The following FRMD7 variants were observed in gnomAD, a reference collection of about 807,000 sequenced individuals.
FRMD7 encodes the protein FERM domain containing 7, also known as FERM domain-containing protein 7.
A neutral mutation model predicts 44.1 loss-of-function variants in FRMD7; 14 were observed. That is an observed-to-expected ratio of 0.32 (90% CI 0.21 to 0.50). FRMD7 has a LOEUF of 0.50. Ranked by LOEUF, FRMD7 falls within the 20% of genes least tolerant of loss-of-function variation. The probability of loss-of-function intolerance (pLI) is 0.99; values close to 1 mark genes in which losing one functional copy is unlikely to be tolerated. For synonymous variants in FRMD7, 212 were observed against 187.4 expected (o/e 1.13, Z -1.07); for missense variants, 501 against 522.3 (o/e 0.96, Z 0.40).
intron 8 of FRMD7, among the ~76,000 whole-genome samples, chrX:132,083,529 A>G (rs909220673): frequency 8.1e-5 from 9 of 111,419 alleles, no homozygotes; most frequent in South Asian, 3.8e-4. Flanking sequence ...TGAGCTTCAC[A>G]CTAAGTCCAG....
intron 4 of FRMD7, among the ~76,000 whole-genome samples, chrX:132,096,285 G>A (rs1409613616): frequency 1.8e-5 from 2 of 109,541 alleles, no homozygotes; most frequent in Non-Finnish European, 3.8e-5. Flanking sequence ...GAACTCTTTT[G>A]GGGGGAAGAC....
intron 9 of FRMD7, among the ~76,000 whole-genome samples, chrX:132,081,768 CTTTTT>C (rs150405845): frequency 9.0e-6 from 1 of 110,671 alleles, no homozygotes; most frequent in Non-Finnish European, 1.9e-5. Context: ...AAGACAAGAT[CTTTTT>C]TTTTATTTTA....
In FRMD7 at chrX:132,077,601, G is replaced by A; in HGVS notation, c.*271C>T. ...TCACTCACAATGTCTCTATGAGGAA[G>A]TATGCAGTGGAGATGACAAATACCC... On this transcript the variant is annotated 3_prime_UTR_variant, in exon 12 of 12. Transcript: ENST00000298542. 5.5e-6 allele frequency: 2 copies of A among 363,460 alleles called. No individual in the cohort carries two copies. 30.0% of individuals were successfully genotyped at this position (363,460 alleles called of 1,213,427 possible).
chrX:132,085,372 C>T (rs1927950143), intron 7 of FRMD7, among the ~76,000 whole-genome samples: 1 of 112,001 alleles, frequency 8.9e-6, no homozygotes, highest in African/African-American at 3.2e-5. Flanking sequence ...ATTTCTGTCC[C>T]CATCTATCCA....
At chrX:132,090,754 CACAA>C (rs967263836) in intron 5 of FRMD7, among the ~76,000 whole-genome samples, 1 of 108,942 alleles carries the variant, frequency 9.2e-6, no homozygotes, top group Non-Finnish European at 1.9e-5. Context: ...AAATCACATG[CACAA>C]ACACACACAC....
intron 5 of FRMD7, among the ~76,000 whole-genome samples, chrX:132,087,181 C>T (rs1928018894): frequency 9.0e-6 from 1 of 111,462 alleles, no homozygotes; most frequent in African/African-American, 3.3e-5. Flanking sequence ...TGAATCATTT[C>T]CTGGTCACTG....
At chrX:132,109,707 A>G (rs1928731238) in intron 1 of FRMD7, among the ~76,000 whole-genome samples, 1 of 111,611 alleles carries the variant, frequency 9.0e-6, no homozygotes, top group Non-Finnish European at 1.9e-5. Flanking sequence ...AGATCACCTA[A>G]CCCATAAAGA....
chrX:132,104,711 A>AAAAC (rs765431287), intron 1 of FRMD7, among the ~76,000 whole-genome samples: 1 of 111,538 alleles, frequency 9.0e-6, no homozygotes, highest in African/African-American at 3.3e-5. Flanking sequence ...AAAAAAACAA[A>AAAAC]AAACAAACAA....
chrX:132,102,840 C>G (rs1928539803), intron 1 of FRMD7, among the ~76,000 whole-genome samples: 2 of 111,931 alleles, frequency 1.8e-5, no homozygotes, highest in Non-Finnish European at 1.9e-5. Context: ...CCTATCAACA[C>G]TGCCATGTTC....
chrX:132,084,129 A>T (rs1927909537), intron 8 of FRMD7, among the ~76,000 whole-genome samples: 1 of 111,887 alleles, frequency 8.9e-6, no homozygotes, highest in Admixed American at 9.5e-5. Flanking sequence ...GTAATTGAAG[A>T]TACTTTATAA....
chrX:132,100,033 G>A (rs1237692027), intron 2 of FRMD7, among the ~76,000 whole-genome samples: 2 of 112,279 alleles, frequency 1.8e-5, no homozygotes, highest in Non-Finnish European at 3.8e-5. Flanking sequence ...GCAGGTTGAG[G>A]TCCAGGCTCT....
chrX:132,104,340 C>T (rs1474830528), intron 1 of FRMD7, among the ~76,000 whole-genome samples: 1 of 111,319 alleles, frequency 9.0e-6, no homozygotes, highest in African/African-American at 3.3e-5. Flanking sequence ...TAGAAACTTT[C>T]TTAACCAACT....
intron 1 of FRMD7, among the ~76,000 whole-genome samples, chrX:132,117,414 A>T (rs1207073062): frequency 8.9e-6 from 1 of 112,397 alleles, no homozygotes; most frequent in Non-Finnish European, 1.9e-5. Flanking sequence ...ATCATGTACA[A>T]CATGATGTTT....
chrX:132,111,687 C>G (rs1329161401), intron 1 of FRMD7, among the ~76,000 whole-genome samples: 2 of 111,978 alleles, frequency 1.8e-5, no homozygotes, highest in Non-Finnish European at 3.8e-5. Context: ...GAAGCCAGAA[C>G]CAAGCAGAAC....
intron 5 of FRMD7, among the ~76,000 whole-genome samples, 175 bp downstream of exon 5, chrX:132,093,867 T>C (rs1178471050): frequency 1.8e-5 from 2 of 112,361 alleles, no homozygotes; most frequent in Admixed American, 9.4e-5. Context: ...CTTGTCACTA[T>C]TTTAAAGACA....
rs1929195107 is a variant in FRMD7 at position 132,127,915 on chromosome X, C to T, written c.-71G>A. The T allele has an allele frequency of 2.2e-6, 2 of 911,324 alleles. No homozygotes were observed. The highest frequency in any genetic ancestry group is 3.2e-6 in the Non-Finnish European group (2 of 623,861). 75.1% of individuals were successfully genotyped at this position (911,324 alleles called of 1,213,427 possible). A position where few individuals can be genotyped will look rare whatever the true frequency, so the allele number is the denominator to read the frequency against. On this transcript the variant is annotated 5_prime_UTR_variant, in exon 1 of 12. An upstream open reading frame in the 5' UTR gains an earlier in-frame stop. Coordinates refer to ENST00000298542, the MANE Select transcript of FRMD7 (RefSeq NM_194277.3). Reference sequence around the variant, plus strand: ...GTGCTTTCTCCAGGAATTTCACTCCCAGCTGGATGTGGTGCACTCGGGCCC... The same window carrying T: ...GTGCTTTCTCCAGGAATTTCACTCCTAGCTGGATGTGGTGCACTCGGGCCC...
At chrX:132,109,344 T>C (rs1928723676) in intron 1 of FRMD7, among the ~76,000 whole-genome samples, 1 of 112,095 alleles carries the variant, frequency 8.9e-6, no homozygotes, top group African/African-American at 3.2e-5. Context: ...TTTAGTATGC[T>C]TTTTACTCTA....
intron 1 of FRMD7, among the ~76,000 whole-genome samples, chrX:132,105,171 G>T (rs1026846358): frequency 1.8e-5 from 2 of 111,650 alleles, no homozygotes; most frequent in Non-Finnish European, 3.8e-5. Context: ...TATGGATGTG[G>T]TTTATGGAAG....
chrX:132,077,889 T>A lies in FRMD7; in HGVS notation c.2128A>T (p.Asn710Tyr). ...TCACACTTTTAAGCTAAAAAGTAAT[T>A]ACATGGTTTTAGTGAAGTCCTGTCT... ...AEDRTSLKPC[N>Y]YFLA Residue 710 changes from asparagine to tyrosine, a missense_variant, in exon 12 of 12, where the codon AAT becomes TAT. By Grantham distance (143) the Asn-to-Tyr change is moderately radical. Transcript: ENST00000298542. 17 of 1,209,499 alleles carry A rather than the reference T, an allele frequency of 1.4e-5. No homozygotes were observed. Among genetic ancestry groups the A allele is most frequent in the Non-Finnish European group, 1.9e-5 (17 of 893,261 alleles).
Sources: allele counts gnomAD v4.1 joint callset (sites outside exome capture counted in the v4.1 genomes callset), GRCh38; gene constraint gnomAD v4.1.1; transcripts MANE v1.5; gene names NCBI Gene and HGNC (gene_info 2026-07-23, HGNC 2026-07-21).